Variants in SEMA3B observed in about 807,000 individuals in gnomAD.
SEMA3B encodes semaphorin-3B.
SEMA3B carries 71 observed loss-of-function variants against 77.8 expected under a neutral mutation model. The observed-to-expected ratio is 0.91, with a 90% confidence interval of 0.75 to 1.11. The LOEUF (loss-of-function observed/expected upper bound fraction) is 1.11, where lower values mean the gene tolerates loss of function less well. Among genes scored for constraint, SEMA3B ranks in the 50% most tolerant of loss-of-function variants. SEMA3B has a pLI of 0.00. For missense variants in SEMA3B, 968 were observed against 1,056.8 expected (o/e 0.92, Z 1.17); for synonymous variants, 470 against 452.9 (o/e 1.04, Z -0.48).
rs1362395924 is a variant in SEMA3B at position 50,276,861 on chromosome 3, G to T, written c.*155G>T. The T allele has an allele frequency of 3.0e-5, 27 of 894,086 alleles. No homozygotes were observed. Among genetic ancestry groups the T allele is most frequent in the Non-Finnish European group, 3.5e-5 (22 of 633,060 alleles). The allele number at this position is 894,086 out of a possible 1,614,324, so 55.4% of individuals were successfully genotyped here. A position where few individuals can be genotyped will look rare whatever the true frequency, so the allele number is the denominator to read the frequency against. On this transcript the variant is annotated 3_prime_UTR_variant, in exon 17 of 17. Transcript: ENST00000616701. This position sits in a 1 kb window ranked among gnomAD's most constrained non-coding sequence, Gnocchi z 5.8. ...ACAGGCCCTGGCTGAGGGCAGCTGC[G>T]CGGGCTTATTTATTAACAGGATAAC... is the stretch of plus-strand genomic sequence containing the variant.
the SEMA3B span, chr3:50,260,465 C>T: frequency 6.6e-6 from 1 of 152,292 alleles, no homozygotes; most frequent in South Asian, 2.1e-4. Flanking sequence ...CATCGGCGCC[C>T]CCCAGGCCCG....
In SEMA3B at chr3:50,274,793, C is replaced by A. The variant is rs1214283555; in HGVS notation, c.1358-50C>A. ...GCCTCAAAGGCGAGGAGACACTAGC[C>A]CCAGCTGTCCGGGAGCACCAATGGT... On this transcript the variant is annotated intron_variant, in intron 11 of 16. Transcript: ENST00000616701. The surrounding 1 kb of genome is among the most constrained non-coding windows in gnomAD (Gnocchi z 4.7). 3.8e-6 allele frequency: 6 copies of A among 1,584,290 alleles called. No individual in the cohort carries two copies. The highest frequency in any genetic ancestry group is 1.3e-5 in the African/African-American group (1 of 74,370).
At position 50,276,617 on chromosome 3, in the gene SEMA3B, CT is replaced by C; in HGVS notation, c.2162del (p.Leu721ArgfsTer165). On this transcript the variant is annotated frameshift_variant, in exon 17 of 17. Coordinates refer to ENST00000616701, the MANE Select transcript of SEMA3B (RefSeq NM_001290060.2). LOFTEE classifies it low-confidence loss of function (END_TRUNC). The surrounding 1 kb of genome is among the most constrained non-coding windows in gnomAD (Gnocchi z 5.8). ...GCAGCCTGCGCTGCAGTCACTGCCC[CT>C]GGAGTCGCGGAGAAAGGGCCGTAAC... The part of the protein sequence containing the change: ...RPQPALQSLP[L>X]ESRRKGRNRR... The C allele has an allele frequency of 6.3e-7, 1 of 1,591,006 alleles. No homozygotes were observed. Among genetic ancestry groups the C allele is most frequent in the Non-Finnish European group, 8.5e-7 (1 of 1,173,838 alleles).
the SEMA3B span, chr3:50,260,360 C>A: frequency 4.6e-5 from 7 of 152,246 alleles, no homozygotes; most frequent in African/African-American, 1.7e-4. Flanking sequence ...AGCCAGAGAC[C>A]CGGGACCCCG....
At chr3:50,264,882 A>AG (rs1226433244), upstream of SEMA3B, among the ~76,000 whole-genome samples, 26 of 145,654 alleles carry the variant, frequency 1.8e-4, no homozygotes, top group African/African-American at 6.2e-4. Context: ...GCATCCCAGA[A>AG]GGGCTGACCT....
Position 50,275,863 on chromosome 3 carries a change from T to C in SEMA3B, c.1845+19T>C, listed in dbSNP as rs782354451. 1.3e-6 allele frequency: 2 copies of C among 1,561,372 alleles called. No individual in the cohort carries two copies. The highest frequency in any genetic ancestry group is 2.3e-5 in the East Asian group (1 of 44,354). On this transcript the variant is annotated intron_variant, in intron 16 of 16. Transcript: ENST00000616701. The surrounding 1 kb of genome is among the most constrained non-coding windows in gnomAD (Gnocchi z 7.5). ...CACCCAGGTGAGCCTTACTCCGCCC[T>C]CCCCGCCAGGCTCCTGTCCCACCCC...
chr3:50,270,490 A>G lies in SEMA3B; in HGVS notation c.325A>G (p.Ile109Val). ...GGAGTGCAACTGGGCAGGGAAGGAC[A>G]TTGGTGTGAGTGCCAGCTGCCCGGG... ...REECNWAGKD[I>V]GTECMNFVKL... Residue 109 changes from isoleucine to valine, a missense_variant, in exon 3 of 17, where the codon ATT becomes GTT. Transcript: ENST00000616701. The surrounding 1 kb of genome is among the most constrained non-coding windows in gnomAD (Gnocchi z 4.7). 6.2e-7 allele frequency: 1 copy of G among 1,613,504 alleles called. No homozygotes were observed. The highest frequency in any genetic ancestry group is 8.5e-7 in the Non-Finnish European group (1 of 1,179,840).
At chr3:50,262,754 C>T (rs1467848700), upstream of SEMA3B, among the ~76,000 whole-genome samples, 10 of 152,340 alleles carry the variant, frequency 6.6e-5, no homozygotes, top group Admixed American at 3.3e-4. Context: ...TGCTTTCTGA[C>T]CTTACTGAGG....
intron 6 of SEMA3B, 129 bp downstream of exon 6, chr3:50,271,609 A>G: frequency 7.5e-7 from 1 of 1,326,304 alleles, no homozygotes; most frequent in South Asian, 1.4e-5. Flanking sequence ...TTAATCAGGC[A>G]CTGGCGTCAC....
Position 50,273,164 on chromosome 3 carries a change from T to C in SEMA3B, c.665-134T>C, listed in dbSNP as rs1408616263. The C allele has an allele frequency of 2.3e-6, 3 of 1,328,522 alleles. No individual in the cohort carries two copies. The highest frequency in any genetic ancestry group is 3.1e-6 in the Non-Finnish European group (3 of 978,872). The allele number at this position is 1,328,522 out of a possible 1,614,324, so 82.3% of individuals were successfully genotyped here. ...CGCGCAGAGCGCCAACTGGACATGGTGCTAGAGGTTGGGTGGTCAGACACT... is the reference window on the plus strand; with the variant it reads ...CGCGCAGAGCGCCAACTGGACATGGCGCTAGAGGTTGGGTGGTCAGACACT... On this transcript the variant is annotated intron_variant, in intron 6 of 16. Transcript: ENST00000616701. The surrounding 1 kb of genome is among the most constrained non-coding windows in gnomAD (Gnocchi z 6.5).
At position 50,276,316 on chromosome 3, in the gene SEMA3B, G is replaced by A. The variant is rs782489880; in HGVS notation, c.1860G>A (p.Glu620=). 1.4e-5 allele frequency: 22 copies of A among 1,520,738 alleles called. No individual in the cohort carries two copies. The South Asian group carries it at 2.7e-4, about 18-fold the overall frequency. The allele number at this position is 1,520,738 out of a possible 1,614,324, so 94.2% of individuals were successfully genotyped here. Residue 620 remains glutamate (E), a synonymous_variant, in exon 17 of 17, where the codon GAG becomes GAA. Transcript: ENST00000616701. The surrounding 1 kb of genome is among the most constrained non-coding windows in gnomAD (Gnocchi z 5.8). ...TCTGCCCGCAGGTGCTGGCAGAGGA[G>A]CGCACCGAGCGCACCGCCCGGGGAC... The part of the protein sequence containing the change: ...VTAHTQVLAE[E]RTERTARGLL...
At chr3:50,272,553 A>G (rs1276294679) in intron 6 of SEMA3B, among the ~76,000 whole-genome samples, 1 of 152,110 alleles carries the variant, frequency 6.6e-6, no homozygotes, top group Non-Finnish European at 1.5e-5. Flanking sequence ...TCTACTAAAT[A>G]TACAAAAATT....
In SEMA3B at chr3:50,274,245, C is replaced by A; in HGVS notation, c.1138-118C>A. On this transcript the variant is annotated intron_variant, in intron 10 of 16. Transcript: ENST00000616701. This position sits in a 1 kb window ranked among gnomAD's most constrained non-coding sequence, Gnocchi z 4.7. ...GGCAAGGCTGATCTCCTCTCTAATT[C>A]TCAGGGCAGGGTTCTGTCCCCATCC... is the stretch of plus-strand genomic sequence containing the variant. 2 of 1,239,920 alleles carry A rather than the reference C, an allele frequency of 1.6e-6. No individual in the cohort carries two copies. Among genetic ancestry groups the A allele is most frequent in the Non-Finnish European group, 1.1e-6 (1 of 892,716 alleles). 76.8% of individuals were successfully genotyped at this position (1,239,920 alleles called of 1,614,324 possible). A position where few individuals can be genotyped will look rare whatever the true frequency, so the allele number is the denominator to read the frequency against.
intron 6 of SEMA3B, 71 bp downstream of exon 6, chr3:50,271,551 T>G (rs1701055154): frequency 6.5e-7 from 1 of 1,543,226 alleles, no homozygotes; most frequent in Admixed American, 2.0e-5. Context: ...GCAAGGCCCA[T>G]AAAGTAAGTG....
intron 6 of SEMA3B, among the ~76,000 whole-genome samples, chr3:50,272,880 A>AAT (rs1300789958): frequency 7.2e-6 from 1 of 138,908 alleles, no homozygotes; most frequent in Non-Finnish European, 1.5e-5. Context: ...TAATAATAAT[A>AAT]AAGAGCAATG....
At chr3:50,266,446 T>A (rs1178505036), upstream of SEMA3B, among the ~76,000 whole-genome samples, 3 of 152,128 alleles carry the variant, frequency 2.0e-5, no homozygotes, top group African/African-American at 7.2e-5. Context: ...GTCCTCAGGC[T>A]CAGGAAGGAG....
In SEMA3B at chr3:50,274,070, G is replaced by A; in HGVS notation, c.1137+13G>A. The stretch of plus-strand genomic sequence containing the variant: ...GCGGCCAGGCATGGTTCGTAGCCCA[G>A]GGACTTCTGCTACAACCCACTTCAA... On this transcript the variant is annotated intron_variant, in intron 10 of 16. Coordinates refer to ENST00000616701, the MANE Select transcript of SEMA3B (RefSeq NM_001290060.2). This position sits in a 1 kb window ranked among gnomAD's most constrained non-coding sequence, Gnocchi z 4.7. 6.2e-7 allele frequency: 1 copy of A among 1,611,812 alleles called. No homozygotes were observed. The highest frequency in any genetic ancestry group is 8.5e-7 in the Non-Finnish European group (1 of 1,179,302).
At position 50,273,041 on chromosome 3, in the gene SEMA3B, A is replaced by AGCCGGGCTTCAC. The variant is rs1463655413; in HGVS notation, c.665-253_665-242dup. The AGCCGGGCTTCAC allele has an allele frequency of 2.1e-6, 1 of 477,306 alleles. No homozygotes were observed. Among genetic ancestry groups the AGCCGGGCTTCAC allele is most frequent in the Non-Finnish European group, 3.7e-6 (1 of 268,892 alleles). 29.6% of individuals were successfully genotyped at this position (477,306 alleles called of 1,614,324 possible). A position where few individuals can be genotyped will look rare whatever the true frequency, so the allele number is the denominator to read the frequency against. On this transcript the variant is annotated intron_variant, in intron 6 of 16. Transcript: ENST00000616701. This position sits in a 1 kb window ranked among gnomAD's most constrained non-coding sequence, Gnocchi z 6.5. ...GACGTGTGGGGCGAGATCGGAGGCT[A>AGCCGGGCTTCAC]GCCGGGCTTCACGCCTGCGCCCCCA...
In SEMA3B at chr3:50,274,000, G is replaced by A. The variant is rs782460989; in HGVS notation, c.1080G>A (p.Gly360=). The A allele has an allele frequency of 1.2e-6, 2 of 1,613,854 alleles. No homozygotes were observed. The highest frequency in any genetic ancestry group is 1.7e-6 in the Non-Finnish European group (2 of 1,179,828). ...AFLGPFAHKE[G]PMHQWVSYQG... is the part of the protein sequence containing the mutation. ...TGGGACCCTTTGCACACAAGGAGGG[G>A]CCCATGCACCAGTGGGTGTCATACC... The change falls in exon 10 of 17, where the codon GGG becomes GGA. Residue 360 remains glycine (G), a synonymous_variant. Transcript: ENST00000616701. The surrounding 1 kb of genome is among the most constrained non-coding windows in gnomAD (Gnocchi z 6.5).
Sources: gnomAD v4.1 joint callset for allele counts (sites outside exome capture counted in the v4.1 genomes callset) on GRCh38, gnomAD v4.1.1 for gene constraint, Gnocchi (gnomAD v3.1) non-coding constraint, MANE v1.5 for transcripts, NCBI Gene and HGNC (gene_info 2026-07-23, HGNC 2026-07-21) for gene names.